The following EDAR variants were observed in gnomAD, a reference collection of about 807,000 sequenced individuals.
EDAR encodes tumor necrosis factor receptor superfamily member EDAR.
Under a neutral mutation model 51.3 loss-of-function variants are expected in EDAR, and 38 were observed. That is an observed-to-expected ratio of 0.74 (90% CI 0.57 to 0.97). The LOEUF is 0.97. Among genes scored for constraint, EDAR ranks in the 50% least tolerant of loss-of-function variants. The pLI, the probability that EDAR is intolerant of heterozygous loss-of-function variation, is 0.00. For synonymous variants in EDAR, 227 were observed against 242.1 expected (o/e 0.94, Z 0.58); for missense variants, 528 against 595.0 (o/e 0.89, Z 1.17).
intron 3 of EDAR, 73 bp from the exon 4 acceptor site, chr2:108,929,452 T>TCCG: frequency 6.6e-7 from 1 of 1,504,138 alleles, no homozygotes; most frequent in Non-Finnish European, 9.2e-7. Context: ...CCCACAGTCC[T>TCCG]TGGGCAGTGA....
intron 1 of EDAR, among the ~76,000 whole-genome samples, chr2:108,934,706 C>T (rs545035893): frequency 1.3e-5 from 2 of 152,258 alleles, no homozygotes; most frequent in South Asian, 4.1e-4. Flanking sequence ...ACTGTTATAA[C>T]CAGCCCACTC....
intron 5 of EDAR, among the ~76,000 whole-genome samples, chr2:108,922,666 C>T (rs550534125): frequency 3.9e-5 from 6 of 152,188 alleles, no homozygotes; most frequent in African/African-American, 1.4e-4. Flanking sequence ...CCTCCTCCAC[C>T]CTTGAAGGAG....
chr2:108,907,889 T>C lies in EDAR; in HGVS notation c.934A>G (p.Lys312Glu), dbSNP rs1433668878. 3.1e-6 allele frequency: 5 copies of C among 1,613,504 alleles called. No individual in the cohort carries two copies. The East Asian group carries it at 1.1e-4, about 36-fold the overall frequency. The change falls in exon 10 of 12, where the codon AAG becomes GAG. Residue 312 changes from lysine to glutamate, a missense_variant. Transcript: ENST00000258443. ...GCTGACTTGTTGCTGGTGGCAGACT[T>C]CTCCCTGGCCAGGTGAACCAGCGAC... ...LLSLVHLARE[K>E]SATSNKSAGI...
intron 1 of EDAR, among the ~76,000 whole-genome samples, chr2:108,959,026 G>A (rs1052782813): frequency 2.6e-5 from 4 of 152,236 alleles, no homozygotes; most frequent in Non-Finnish European, 4.4e-5. Context: ...TGAAGAACGG[G>A]ACACTGTGCT....
intron 4 of EDAR, among the ~76,000 whole-genome samples, chr2:108,927,001 G>C (rs1558812563): frequency 6.6e-6 from 1 of 152,366 alleles, no homozygotes; most frequent in African/African-American, 2.4e-5. Context: ...AGTAGAGGGG[G>C]CAGCATGAGC....
chr2:108,907,337 T>C (rs1696827152), intron 10 of EDAR, among the ~76,000 whole-genome samples: 1 of 152,180 alleles, frequency 6.6e-6, no homozygotes, highest in African/African-American at 2.4e-5. Context: ...CGTTTTTGTG[T>C]ATGAAGCTAT....
intron 1 of EDAR, among the ~76,000 whole-genome samples, chr2:108,962,319 A>G (rs1388397632): frequency 6.6e-6 from 1 of 152,216 alleles, no homozygotes; most frequent in Non-Finnish European, 1.5e-5. Context: ...AGGTAATGAA[A>G]TGGAGGATTA....
At chr2:108,929,046 G>C (rs1697311594) in intron 4 of EDAR, 152 bp downstream of exon 4, 2 of 892,406 alleles carry the variant, frequency 2.2e-6, no homozygotes, top group Admixed American at 4.0e-5. Flanking sequence ...CGTCCTGGAT[G>C]CTGCTCCTTG....
At chr2:108,912,310 A>G (rs962351291) in intron 6 of EDAR, among the ~76,000 whole-genome samples, 6 of 152,218 alleles carry the variant, frequency 3.9e-5, no homozygotes, top group African/African-American at 1.4e-4. Context: ...TGCTATGGTC[A>G]GCATGTTTAT....
intron 8 of EDAR, 114 bp from the exon 9 acceptor site, chr2:108,910,646 C>A (rs540535756): frequency 1.9e-5 from 27 of 1,406,760 alleles, no homozygotes; most frequent in Non-Finnish European, 2.7e-5. Context: ...CTGTGTGGCA[C>A]CACCCCACGG....
At chr2:108,939,435 G>C (rs958431572) in intron 1 of EDAR, among the ~76,000 whole-genome samples, 2 of 152,220 alleles carry the variant, frequency 1.3e-5, no homozygotes, top group African/African-American at 4.8e-5. Flanking sequence ...GTCTAGTGCA[G>C]AGTATGCGTA....
intron 1 of EDAR, among the ~76,000 whole-genome samples, chr2:108,947,810 T>G (rs1288537415): frequency 6.6e-6 from 1 of 152,214 alleles, no homozygotes; most frequent in Non-Finnish European, 1.5e-5. Context: ...ATCACTGACA[T>G]GCCCTGGAGA....
At chr2:108,898,528 A>C (rs1287531493) in intron 11 of EDAR, among the ~76,000 whole-genome samples, 1 of 152,198 alleles carries the variant, frequency 6.6e-6, no homozygotes, top group Non-Finnish European at 1.5e-5. Context: ...ACATAAAACT[A>C]CACAGGTCTC....
chr2:108,982,820 G>T lies in EDAR; in HGVS notation c.-19+6140C>A, dbSNP rs940028477. ...TGCCCGTAAAATGAGAAGCAAAATTGCTTAGTGAGTGCTGGCGGGAAACTA... is the reference window on the plus strand; with the variant it reads ...TGCCCGTAAAATGAGAAGCAAAATTTCTTAGTGAGTGCTGGCGGGAAACTA... On this transcript the variant is annotated intron_variant, in intron 1 of 11. Transcript: ENST00000258443. 5.9e-5 allele frequency among the ~76,000 whole-genome samples: 9 copies of T among 152,290 alleles called. No individual in the cohort carries two copies. In the South Asian group the frequency reaches 1.5e-3, roughly 25 times the overall value.
In EDAR at chr2:108,910,702, G is replaced by T. The variant is rs1696910375; in HGVS notation, c.730+74C>A. On this transcript the variant is annotated intron_variant, in intron 8 of 11. Coordinates refer to ENST00000258443, the MANE Select transcript of EDAR (RefSeq NM_022336.4). ...ATGTGAGAGCAGAAGCAGCGAGGAG[G>T]CTGCTTCTGGGAACGCCCTCCACCC... The T allele has an allele frequency of 2.6e-6, 4 of 1,548,990 alleles. No individual in the cohort carries two copies. The South Asian group carries it at 4.5e-5, about 17-fold the overall frequency.
In EDAR at chr2:108,944,347, C is replaced by T. The variant is rs192109197; in HGVS notation, c.-18-13315G>A. ...GGGGCTGGTCCTGAACTCCTGACCT[C>T]AGGTAATCCACCCGCCTTGGCCTCC... On this transcript the variant is annotated intron_variant, in intron 1 of 11. Transcript: ENST00000258443. Among the ~76,000 whole-genome samples the T allele has an allele frequency of 1.5e-3, 227 of 152,350 alleles. 2 individuals are homozygous for T. The highest frequency in any genetic ancestry group is 2.7e-3 in the Non-Finnish European group (182 of 68,034).
intron 1 of EDAR, among the ~76,000 whole-genome samples, chr2:108,967,196 A>C (rs1267983655): frequency 6.6e-6 from 1 of 152,182 alleles, no homozygotes; most frequent in Admixed American, 6.5e-5. Context: ...TGGCCTCCCA[A>C]AGTGCTCAGA....
intron 11 of EDAR, among the ~76,000 whole-genome samples, chr2:108,905,438 A>C (rs1245283611): frequency 1.3e-5 from 2 of 149,892 alleles, no homozygotes; most frequent in Non-Finnish European, 2.9e-5. Flanking sequence ...TGGCCCTGGA[A>C]CTCACCCACA....
intron 1 of EDAR, among the ~76,000 whole-genome samples, chr2:108,972,754 T>C (rs920806415): frequency 1.3e-5 from 2 of 152,186 alleles, no homozygotes; most frequent in African/African-American, 4.8e-5. Flanking sequence ...TCACAGCCCA[T>C]GCAGATGCTG....
Sources: allele counts gnomAD v4.1 joint callset (sites outside exome capture counted in the v4.1 genomes callset), GRCh38; gene constraint gnomAD v4.1.1; transcripts MANE v1.5; gene names NCBI Gene and HGNC (gene_info 2026-07-23, HGNC 2026-07-21).